INO80: variants seen among roughly 807,000 people sequenced by gnomAD.
INO80 encodes INO80 complex ATPase subunit.
In INO80, 20 loss-of-function variants were observed where a neutral mutation model predicts 203.4. That is an observed-to-expected ratio of 0.10 (90% CI 0.07 to 0.14). The LOEUF (loss-of-function observed/expected upper bound fraction) is 0.14, where lower values mean the gene tolerates loss of function less well. Among genes scored for constraint, INO80 ranks in the 10% least tolerant of loss-of-function variants. The probability of loss-of-function intolerance (pLI) is 1.00; values close to 1 mark genes in which losing one functional copy is unlikely to be tolerated. For synonymous variants in INO80, 726 were observed against 685.2 expected (o/e 1.06, Z -0.93); for missense variants, 1,419 against 1,914.4 (o/e 0.74, Z 4.83).
At position 41,085,245 on chromosome 15, in the gene INO80, C is replaced by A. The variant is rs552778071; in HGVS notation, c.873+124G>T. ...AGTACTACTCAGCATTTTCTTGATT[C>A]CAACAGATTAGTTTCTTTGCAGAAT... is the stretch of plus-strand genomic sequence containing the variant. On this transcript the variant is annotated intron_variant, in intron 7 of 35. Transcript: ENST00000648947. 4.0e-5 allele frequency: 33 copies of A among 825,370 alleles called. No homozygotes were observed. In the South Asian group the frequency reaches 5.2e-4, roughly 13 times the overall value. The allele number at this position is 825,370 out of a possible 1,614,324, so 51.1% of individuals were successfully genotyped here.
At position 40,980,281 on chromosome 15, in the gene INO80, G is replaced by A. The variant is rs1893770687; in HGVS notation, c.4613C>T (p.Ala1538Val). 1 of 1,613,554 alleles carries A rather than the reference G, an allele frequency of 6.2e-7. No individual in the cohort carries two copies. Among genetic ancestry groups the A allele is most frequent in the African/African-American group, 1.3e-5 (1 of 74,906 alleles). ...CTGTTTCCGGACCAGAGAGTCTGGG[G>A]CTAGGCTGCTGGTCATGTGGAGGTT... ...PKNLHMTSSL[A>V]PDSLVRKQGK... Residue 1538 changes from alanine (A) to valine (V), a missense_variant, in exon 36 of 36, where the codon GCC becomes GTC. Coordinates refer to ENST00000648947, the MANE Select transcript of INO80 (RefSeq NM_017553.3).
chr15:41,016,325 T>C, intron 26 of INO80, 110 bp from the exon 27 acceptor site: 1 of 1,072,382 alleles, frequency 9.3e-7, no homozygotes, highest in Non-Finnish European at 1.3e-6. Flanking sequence ...ATGCTTGTCA[T>C]CATGAGATCA....
intron 6 of INO80, among the ~76,000 whole-genome samples, chr15:41,086,527 T>C (rs2045567453): frequency 6.6e-6 from 1 of 152,146 alleles, no homozygotes; most frequent in East Asian, 1.9e-4. Flanking sequence ...GGCGTGCACC[T>C]TTAATCCCAA....
intron 1 of INO80, among the ~76,000 whole-genome samples, chr15:41,111,904 A>C (rs2045964573): frequency 6.6e-6 from 1 of 152,168 alleles, no homozygotes; most frequent in Non-Finnish European, 1.5e-5. Context: ...GATACATTAA[A>C]AAATGTTAAG....
chr15:41,046,248 T>TGA (rs2044764672), intron 23 of INO80, among the ~76,000 whole-genome samples: 1 of 79,180 alleles, frequency 1.3e-5, no homozygotes, highest in African/African-American at 4.2e-5. Context: ...TATATATATA[T>TGA]ATATATATTC....
chr15:41,013,522 G>A (rs1016082175), intron 27 of INO80, among the ~76,000 whole-genome samples: 1 of 152,118 alleles, frequency 6.6e-6, no homozygotes, highest in African/African-American at 2.4e-5. Flanking sequence ...ATCTCAAGTC[G>A]TACAATATGT....
intron 29 of INO80, among the ~76,000 whole-genome samples, chr15:40,994,671 T>A (rs1024398436): frequency 6.6e-6 from 1 of 151,998 alleles, no homozygotes; most frequent in Admixed American, 6.5e-5. Flanking sequence ...GGCCCCATAT[T>A]ATCAGTATTT....
chr15:40,982,278 C>T (rs956256844), intron 35 of INO80, among the ~76,000 whole-genome samples: 2 of 152,198 alleles, frequency 1.3e-5, no homozygotes, highest in African/African-American at 4.8e-5. Flanking sequence ...TCCCAAGTAG[C>T]TGGGACTACA....
At chr15:41,040,664 A>G (rs1413662982) in intron 24 of INO80, among the ~76,000 whole-genome samples, 1 of 152,102 alleles carries the variant, frequency 6.6e-6, no homozygotes, top group African/African-American at 2.4e-5. Context: ...TTGAGGCCAG[A>G]GTTCGAGGCC....
chr15:41,065,411 G>T (rs1366649854), intron 14 of INO80, among the ~76,000 whole-genome samples: 1 of 151,946 alleles, frequency 6.6e-6, no homozygotes, highest in Non-Finnish European at 1.5e-5. Flanking sequence ...CTCCAGCCTG[G>T]GCGACAGAGC....
chr15:41,029,237 G>T (rs2044422960), intron 24 of INO80, among the ~76,000 whole-genome samples: 1 of 152,208 alleles, frequency 6.6e-6, no homozygotes, highest in African/African-American at 2.4e-5. Flanking sequence ...ATCACTCTGA[G>T]GATAATTTGT....
At chr15:40,988,011 G>C in intron 29 of INO80, 37 bp from the exon 30 acceptor site, 2 of 1,568,820 alleles carry the variant, frequency 1.3e-6, no homozygotes, top group Non-Finnish European at 1.7e-6. Context: ...GCACTCTTAG[G>C]GAAGGACCAG....
At chr15:41,072,980 C>A (rs2045347052) in intron 11 of INO80, among the ~76,000 whole-genome samples, 1 of 151,832 alleles carries the variant, frequency 6.6e-6, no homozygotes, top group Non-Finnish European at 1.5e-5. Context: ...GGGGTTTCAC[C>A]GTGTTAGCCT....
intron 1 of INO80, among the ~76,000 whole-genome samples, chr15:41,102,277 T>C (rs1022781678): frequency 6.6e-6 from 1 of 152,188 alleles, no homozygotes; most frequent in Non-Finnish European, 1.5e-5. Context: ...ACTGTGTAAG[T>C]TACTTTATTT....
At chr15:41,080,451 G>A (rs1483270299) in intron 8 of INO80, among the ~76,000 whole-genome samples, 3 of 152,172 alleles carry the variant, frequency 2.0e-5, no homozygotes, top group East Asian at 3.9e-4. Flanking sequence ...TTTCTTAGAC[G>A]AGACTGAAGA....
chr15:41,032,412 CA>C (rs1299845541), intron 24 of INO80, among the ~76,000 whole-genome samples: 1 of 152,066 alleles, frequency 6.6e-6, no homozygotes, highest in Non-Finnish European at 1.5e-5. Flanking sequence ...AAAATTAATG[CA>C]GAGAAACACA....
chr15:41,027,339 T>C (rs1429340519), intron 25 of INO80, among the ~76,000 whole-genome samples: 1 of 152,172 alleles, frequency 6.6e-6, no homozygotes, highest in Admixed American at 6.5e-5. Flanking sequence ...ATTCCCACTA[T>C]AGTTTAGAGC....
In INO80 at chr15:41,005,813, G is replaced by A. The variant is rs373468443; in HGVS notation, c.3403-126C>T. On this transcript the variant is annotated intron_variant, in intron 27 of 35. Coordinates refer to ENST00000648947, the MANE Select transcript of INO80 (RefSeq NM_017553.3). ...CAAGCCATTATAACCAGAATGGGGA[G>A]AGAGTAACCCCAAGAGTACAAGAAG... 5.0e-5 allele frequency: 27 copies of A among 542,964 alleles called. No individual in the cohort carries two copies. The Middle Eastern group carries it at 1.6e-3, about 32-fold the overall frequency. The allele number at this position is 542,964 out of a possible 1,614,324, so 33.6% of individuals were successfully genotyped here. A position where few individuals can be genotyped will look rare whatever the true frequency, so the allele number is the denominator to read the frequency against.
intron 14 of INO80, among the ~76,000 whole-genome samples, chr15:41,065,988 CTT>C (rs1175524125): frequency 2.2e-4 from 28 of 127,262 alleles, no homozygotes; most frequent in Non-Finnish European, 1.8e-4. Flanking sequence ...CTACATTGTA[CTT>C]TTTTTTTTTT....
Sources: gnomAD v4.1 joint callset for allele counts (sites outside exome capture counted in the v4.1 genomes callset) on GRCh38, gnomAD v4.1.1 for gene constraint, MANE v1.5 for transcripts, NCBI Gene and HGNC (gene_info 2026-07-23, HGNC 2026-07-21) for gene names.